Variants in MARCHF8 observed in about 807,000 individuals in gnomAD.
The protein encoded by MARCHF8 is membrane associated ring-CH-type finger 8, also known as E3 ubiquitin-protein ligase MARCHF8.
MARCHF8 carries 40 observed loss-of-function variants against 51.6 expected under a neutral mutation model. That is an observed-to-expected ratio of 0.77 (90% confidence interval 0.60 to 1.01). MARCHF8 has a LOEUF of 1.01. MARCHF8 is among the 50% of genes least tolerant of loss of function. The pLI is 0.00. For synonymous variants in MARCHF8, 263 were observed against 280.3 expected (o/e 0.94, Z 0.62); for missense variants, 685 against 708.6 (o/e 0.97, Z 0.38).
intron 6 of MARCHF8, chr10:45,459,681 C>T (rs1039167942): frequency 1.0e-6 from 1 of 983,758 alleles, no homozygotes; most frequent in African/African-American, 1.7e-5. Context: ...GATGATGCCA[C>T]AACACACTAG....
intron 6 of MARCHF8, 94 bp from the exon 7 acceptor site, chr10:45,459,361 C>T: frequency 2.2e-6 from 3 of 1,340,610 alleles, no homozygotes; most frequent in East Asian, 2.5e-5. Flanking sequence ...GGCTTTCCAC[C>T]CCACTTCTCC....
chr10:45,522,983 A>G (rs1196726883), intron 2 of MARCHF8, among the ~76,000 whole-genome samples: 1 of 152,226 alleles, frequency 6.6e-6, no homozygotes, highest in Admixed American at 6.5e-5. Context: ...TCTTAAAAAC[A>G]CAAAACTATT....
At chr10:45,585,356 G>A (rs1249164893) in intron 1 of MARCHF8, among the ~76,000 whole-genome samples, 2 of 151,968 alleles carry the variant, frequency 1.3e-5, no homozygotes, top group African/African-American at 2.4e-5. Context: ...TACTACAAAG[G>A]ACAAATTGTG....
chr10:45,463,707 T>A lies in MARCHF8; in HGVS notation c.532A>T (p.Thr178Ser). 6.4e-7 allele frequency: 1 copy of A among 1,551,072 alleles called. No homozygotes were observed. ...AGTATTAATTTCCCTTCAGAACAAG[T>A]TCTTTCCACATAGGCAAAACTTTCT... ...TSESFAYVER[T>S]CSEGKLILPQ... The change falls in exon 5 of 8, where the codon ACT becomes TCT. Residue 178 changes from threonine to serine, a missense_variant. Physicochemically the swap from Thr to Ser is moderately conservative, Grantham distance 58 (BLOSUM62 1). Transcript: ENST00000453424.
At position 45,463,641 on chromosome 10, in the gene MARCHF8, TATGA is replaced by T; in HGVS notation, c.594_597del (p.His198GlnfsTer7). On this transcript the variant is annotated frameshift_variant, in exon 5 of 8. Transcript: ENST00000453424. LOFTEE classifies it high-confidence loss of function. ...TTGTGGTTCAGGGTTCTTTTTTCTT[TATGA>T]TGAAACCTGTTAGTTCTGAGACACG... 6.4e-7 allele frequency: 1 copy of T among 1,550,716 alleles called. No individual in the cohort carries two copies. Among genetic ancestry groups the T allele is most frequent in the Non-Finnish European group, 8.7e-7 (1 of 1,147,010 alleles).
intron 1 of MARCHF8, among the ~76,000 whole-genome samples, chr10:45,572,160 A>AC (rs1404763544): frequency 8.8e-4 from 99 of 112,332 alleles, no homozygotes; most frequent in Non-Finnish European, 1.1e-3. Flanking sequence ...GGGGGCAAGC[A>AC]CCCCTTACCC....
intron 1 of MARCHF8, among the ~76,000 whole-genome samples, chr10:45,540,740 C>T (rs2044041206): frequency 5.3e-5 from 8 of 152,084 alleles, no homozygotes; most frequent in Admixed American, 5.2e-4. Context: ...CAAACAACCC[C>T]ATCAAAAAGT....
Position 45,461,268 on chromosome 10 carries a change from T to C in MARCHF8, c.1232A>G (p.Glu411Gly). 1 of 1,579,336 alleles carries C rather than the reference T, an allele frequency of 6.3e-7. No individual in the cohort carries two copies. Among genetic ancestry groups the C allele is most frequent in the Non-Finnish European group, 8.6e-7 (1 of 1,162,996 alleles). Residue 411 changes from glutamate to glycine, a missense_variant, in exon 6 of 8, where the codon GAG becomes GGG. Glu to Gly is a moderately conservative substitution (Grantham distance 98, BLOSUM62 -2). Coordinates refer to ENST00000453424, the MANE Select transcript of MARCHF8 (RefSeq NM_001282866.2). The stretch of plus-strand genomic sequence containing the variant: ...CTTCAGCTTGGTCTCCATGATGAAC[T>C]CATACTTGCAGAGCTCGCAGCAGCG... ...DTRCCELCKY[E>G]FIMETKLKPL...
rs761051645 is a variant in MARCHF8 at position 45,458,562 on chromosome 10, G to A, written c.1418-19C>T. ...AGGATTCCTGGAAGGGAAAAACTCA[G>A]CCTATTAGATTTTATTTAAGATATG... On this transcript the variant is annotated intron_variant, in intron 7 of 7. Coordinates refer to ENST00000453424, the MANE Select transcript of MARCHF8 (RefSeq NM_001282866.2). 5.8e-6 allele frequency: 9 copies of A among 1,555,548 alleles called. No homozygotes were observed. The highest frequency in any genetic ancestry group is 1.4e-5 in the African/African-American group (1 of 72,260).
chr10:45,474,223 T>C (rs772235588), intron 3 of MARCHF8, among the ~76,000 whole-genome samples: 7 of 152,172 alleles, frequency 4.6e-5, no homozygotes, highest in African/African-American at 9.7e-5. Flanking sequence ...ATGAGACATA[T>C]TGTCAAATGG....
In MARCHF8 at chr10:45,457,121, G is replaced by C. The variant is rs1842629523; in HGVS notation, c.*1118C>G. 1 of 152,234 alleles carries C rather than the reference G, an allele frequency of 6.6e-6. No individual in the cohort carries two copies. The highest frequency in any genetic ancestry group is 2.4e-5 in the African/African-American group (1 of 41,406). 9.4% of individuals were successfully genotyped at this position (152,234 alleles called of 1,614,324 possible). ...GCCAGCACCCATCTTGCATGCAAGG[G>C]AGAACCTGCATGCAGTGCACACACC... On this transcript the variant is annotated 3_prime_UTR_variant, in exon 8 of 8. Transcript: ENST00000453424.
At chr10:45,519,130 A>G (rs1327964306) in intron 2 of MARCHF8, among the ~76,000 whole-genome samples, 1 of 152,212 alleles carries the variant, frequency 6.6e-6, no homozygotes, top group African/African-American at 2.4e-5. Context: ...GTGAGTAAAA[A>G]TTTAAAGTGC....
rs536090901 is a variant in MARCHF8 at position 45,528,672 on chromosome 10, A to G, written c.102+4438T>C. Among the ~76,000 whole-genome samples the G allele has an allele frequency of 7.9e-5, 12 of 152,290 alleles. No homozygotes were observed. The East Asian group carries it at 1.7e-3, about 22-fold the overall frequency. On this transcript the variant is annotated intron_variant, in intron 2 of 7. Transcript: ENST00000453424. Reference sequence around the variant, plus strand: ...GAGGAGGAATCAGTAGCATTTCTATACAACAATGATATAATCAAGCTGAGA... The same window carrying G: ...GAGGAGGAATCAGTAGCATTTCTATGCAACAATGATATAATCAAGCTGAGA...
intron 2 of MARCHF8, among the ~76,000 whole-genome samples, chr10:45,507,377 G>T (rs1307440336): frequency 6.6e-6 from 1 of 152,160 alleles, no homozygotes; most frequent in Non-Finnish European, 1.5e-5. Context: ...GGATTATTTG[G>T]CTCATGGTTC....
intron 2 of MARCHF8, among the ~76,000 whole-genome samples, chr10:45,513,092 G>A (rs905971322): frequency 3.3e-5 from 5 of 151,376 alleles, no homozygotes; most frequent in Admixed American, 3.3e-4. Flanking sequence ...CACTGCGGAA[G>A]GCTGCAGGGT....
chr10:45,513,796 G>C (rs1276726404), intron 2 of MARCHF8, among the ~76,000 whole-genome samples: 1 of 152,098 alleles, frequency 6.6e-6, no homozygotes, highest in African/African-American at 2.4e-5. Context: ...CCACAAAACA[G>C]AACAAAGACC....
upstream of MARCHF8, among the ~76,000 whole-genome samples, chr10:45,535,580 A>G (rs1008663680): frequency 1.6e-4 from 24 of 152,374 alleles, no homozygotes; most frequent in East Asian, 2.5e-3. Flanking sequence ...CAACAGACCT[A>G]TAAGTTTGCC....
intron 1 of MARCHF8, among the ~76,000 whole-genome samples, chr10:45,591,148 C>A (rs2044676254): frequency 6.6e-6 from 1 of 152,190 alleles, no homozygotes; most frequent in Non-Finnish European, 1.5e-5. Flanking sequence ...TGATAATCCA[C>A]CACCCTTTGC....
chr10:45,504,354 G>A (rs1399759684), intron 2 of MARCHF8, among the ~76,000 whole-genome samples: 1 of 152,240 alleles, frequency 6.6e-6, no homozygotes, highest in African/African-American at 2.4e-5. Context: ...TGAGACAGGA[G>A]AATCGCTTGA....
Sources: allele counts gnomAD v4.1 joint callset (sites outside exome capture counted in the v4.1 genomes callset), GRCh38; gene constraint gnomAD v4.1.1; transcripts MANE v1.5; gene names NCBI Gene and HGNC (gene_info 2026-07-23, HGNC 2026-07-21).